The following BPHL variants were observed in gnomAD, a reference collection of about 807,000 sequenced individuals.
BPHL encodes serine hydrolase BPHL.
BPHL carries 27 observed loss-of-function variants against 31.2 expected under a neutral mutation model. The ratio of observed to expected loss-of-function variants is 0.87; its 90% confidence interval spans 0.64 to 1.19. The LOEUF (loss-of-function observed/expected upper bound fraction) is 1.19. Ranked by LOEUF, BPHL falls within the 50% of genes most tolerant of loss-of-function variation. The pLI is 0.00. For missense variants in BPHL, 356 were observed against 375.7 expected (o/e 0.95, Z 0.43); for synonymous variants, 150 against 146.8 (o/e 1.02, Z -0.16).
chr6:3,136,204 A>C (rs1762014951), intron 4 of BPHL, among the ~76,000 whole-genome samples: 1 of 152,220 alleles, frequency 6.6e-6, no homozygotes, highest in South Asian at 2.1e-4. Flanking sequence ...AAGTAGAAGC[A>C]TGTGCAGGGA....
chr6:3,133,279 C>A (rs559055092), intron 4 of BPHL, among the ~76,000 whole-genome samples: 5 of 152,086 alleles, frequency 3.3e-5, no homozygotes, highest in East Asian at 1.9e-4. Context: ...TGCCCTACCC[C>A]TCTCTCCCTC....
intron 4 of BPHL, among the ~76,000 whole-genome samples, chr6:3,130,637 ATGTC>A (rs1316998947): frequency 2.6e-5 from 4 of 152,106 alleles, no homozygotes; most frequent in Non-Finnish European, 5.9e-5. Context: ...TATCTACATA[ATGTC>A]TTTGATTTTG....
At chr6:3,148,127 A>G (rs1762429560) in intron 6 of BPHL, among the ~76,000 whole-genome samples, 1 of 152,220 alleles carries the variant, frequency 6.6e-6, no homozygotes, top group Non-Finnish European at 1.5e-5. Flanking sequence ...AGTTGACACA[A>G]AGTGTACAGT....
chr6:3,144,956 C>G (rs1762285207), intron 6 of BPHL, among the ~76,000 whole-genome samples: 1 of 152,210 alleles, frequency 6.6e-6, no homozygotes, highest in Non-Finnish European at 1.5e-5. Context: ...GAGTTGGCAT[C>G]TTAAGTTCGT....
intron 6 of BPHL, among the ~76,000 whole-genome samples, chr6:3,144,716 G>T (rs899179818): frequency 1.3e-4 from 20 of 152,298 alleles, no homozygotes; most frequent in South Asian, 4.1e-4. Flanking sequence ...TCTAACAGCT[G>T]CTAACGTGAA....
At chr6:3,130,539 T>TC (rs1190944756) in intron 4 of BPHL, among the ~76,000 whole-genome samples, 12 of 152,122 alleles carry the variant, frequency 7.9e-5, no homozygotes, top group Admixed American at 5.2e-4. Flanking sequence ...TAGCTTTTTG[T>TC]CCAAGTGTGA....
In BPHL at chr6:3,140,933, A is replaced by C. The variant is rs533813276; in HGVS notation, c.788+424A>C. ...TAAACCAAATTTCTGATGTCTGCTG[A>C]CAGCCAGCCCTACTCAGCACAGTTA... is the stretch of plus-strand genomic sequence containing the variant. On this transcript the variant is annotated intron_variant, in intron 6 of 6. Coordinates refer to ENST00000380379, the MANE Select transcript of BPHL (RefSeq NM_004332.4). This position sits in a 1 kb window ranked among gnomAD's most constrained non-coding sequence, Gnocchi z 5.2. Among the ~76,000 whole-genome samples, 269 of 152,358 alleles carry C rather than the reference A, an allele frequency of 1.8e-3. 2 individuals carry two copies. The highest frequency in any genetic ancestry group is 6.3e-3 in the African/African-American group (262 of 41,584).
intron 1 of BPHL, chr6:3,119,242 C>T: frequency 6.6e-7 from 1 of 1,505,528 alleles, no homozygotes; most frequent in Non-Finnish European, 8.9e-7. Flanking sequence ...AGAGTCCACA[C>T]TAAGGGCATA....
chr6:3,123,234 A>C (rs1304874765), intron 1 of BPHL, among the ~76,000 whole-genome samples: 1 of 152,246 alleles, frequency 6.6e-6, no homozygotes, highest in Non-Finnish European at 1.5e-5. Flanking sequence ...AAGGAGACTG[A>C]GAGGCGTTCT....
chr6:3,145,384 GGAGTGCTGGTTCGGGTCC>G (rs1438400724), intron 6 of BPHL, among the ~76,000 whole-genome samples: 1 of 68,482 alleles, frequency 1.5e-5, no homozygotes, highest in Non-Finnish European at 3.5e-5. Context: ...GGTTCGGGGT[GGAGTGCTGGTTCGGGTCC>G]GAGTGCTGGT....
At chr6:3,147,246 A>G (rs1762410592) in intron 6 of BPHL, among the ~76,000 whole-genome samples, 1 of 152,070 alleles carries the variant, frequency 6.6e-6, no homozygotes, top group Admixed American at 6.6e-5. Flanking sequence ...GGGTGTAGGA[A>G]TGAGACCCCA....
Position 3,140,262 on chromosome 6 carries a change from AACACAGTTTTT to A in BPHL, c.665-121_665-111del, listed in dbSNP as rs1762134903. 7.7e-7 allele frequency: 1 copy of A among 1,301,166 alleles called. No individual in the cohort carries two copies. Among genetic ancestry groups the A allele is most frequent in the African/African-American group, 1.5e-5 (1 of 67,324 alleles). 80.6% of individuals were successfully genotyped at this position (1,301,166 alleles called of 1,614,324 possible). ...GAATCCCAGGCACGGTCAAATCCAA[AACACAGTTTTT>A]ACGGATAGGGAAACTGAGGGCCAAG... On this transcript the variant is annotated intron_variant, in intron 5 of 6. Transcript: ENST00000380379. The surrounding 1 kb of genome is among the most constrained non-coding windows in gnomAD (Gnocchi z 5.2).
chr6:3,118,657 G>C (rs899114816), upstream of BPHL: 1 of 971,284 alleles, frequency 1.0e-6, no homozygotes, highest in Non-Finnish European at 1.3e-6. Context: ...CGGAGCAGAG[G>C]GCGTGGCTTC....
At chr6:3,125,752 T>C (rs1255054671) in intron 2 of BPHL, among the ~76,000 whole-genome samples, 1 of 152,206 alleles carries the variant, frequency 6.6e-6, no homozygotes, top group East Asian at 1.9e-4. Flanking sequence ...GGTTTTGGCT[T>C]GAATTTTCTG....
chr6:3,137,306 A>G (rs1762038532), intron 4 of BPHL, 56 bp from the exon 5 acceptor site: 1 of 1,594,352 alleles, frequency 6.3e-7, no homozygotes, highest in Non-Finnish European at 8.6e-7. Context: ...GAATACTTAA[A>G]GACAATACTT....
upstream of BPHL, chr6:3,118,680 GC>G (rs1761457710): frequency 8.5e-7 from 1 of 1,178,638 alleles, no homozygotes; most frequent in Admixed American, 4.2e-5. Context: ...GGCAGAGTGG[GC>G]CGGGTACCGC....
At chr6:3,119,115 C>T (rs552257632) in intron 1 of BPHL, among the ~76,000 whole-genome samples, 2 of 152,334 alleles carry the variant, frequency 1.3e-5, no homozygotes, top group East Asian at 3.9e-4. Flanking sequence ...AGAGTGCAGC[C>T]CCTTCAGTGT....
At position 3,118,764 on chromosome 6, in the gene BPHL, G is replaced by T. The variant is rs2231357; in HGVS notation, c.24G>T (p.Arg8=). Reference sequence around the variant, plus strand: ...CCATGGTGGCTGTGCTGGGCGGCCGGGGCGTGTTGCGCCTGCGGCTGCTTC... The same window carrying T: ...CCATGGTGGCTGTGCTGGGCGGCCGTGGCGTGTTGCGCCTGCGGCTGCTTC... MVAVLGG[R]GVLRLRLLLS... is the part of the protein sequence containing the mutation. The change falls in exon 1 of 7, where the codon CGG becomes CGT. Residue 8 remains arginine, a synonymous_variant. Coordinates refer to ENST00000380379, the MANE Select transcript of BPHL (RefSeq NM_004332.4). The T allele has an allele frequency of 0.016, 20,489 of 1,256,846 alleles. 598 individuals carry two copies. Among genetic ancestry groups the T allele is most frequent in the African/African-American group, 0.1 (6,659 of 64,680 alleles). The allele number at this position is 1,256,846 out of a possible 1,614,324, so 77.9% of individuals were successfully genotyped here. A position where few individuals can be genotyped will look rare whatever the true frequency, so the allele number is the denominator to read the frequency against.
rs377576651 is a variant in BPHL at position 3,137,268 on chromosome 6, G to T, written c.533-94G>T. ...ATTCCAGGCAGACGAGACAGTGAGC[G>T]CATGGGCTCAGAAGTGGCTCTTGCT... On this transcript the variant is annotated intron_variant, in intron 4 of 6. Transcript: ENST00000380379. 2.7e-6 allele frequency: 4 copies of T among 1,455,790 alleles called. No individual in the cohort carries two copies. In the Admixed American group the frequency reaches 5.7e-5, roughly 21 times the overall value. 90.2% of individuals were successfully genotyped at this position (1,455,790 alleles called of 1,614,324 possible). A position where few individuals can be genotyped will look rare whatever the true frequency, so the allele number is the denominator to read the frequency against.
Sources: gnomAD v4.1 joint callset for allele counts (sites outside exome capture counted in the v4.1 genomes callset) on GRCh38, gnomAD v4.1.1 for gene constraint, Gnocchi (gnomAD v3.1) non-coding constraint, MANE v1.5 for transcripts, NCBI Gene and HGNC (gene_info 2026-07-23, HGNC 2026-07-21) for gene names.